The following CSMD1 variants were observed in gnomAD, a reference collection of about 807,000 sequenced individuals.
The protein encoded by CSMD1 is CUB and sushi domain-containing protein 1.
Under a neutral mutation model 417.5 loss-of-function variants are expected in CSMD1, and 213 were observed. That is an observed-to-expected ratio of 0.51 (90% confidence interval 0.46 to 0.57). The LOEUF (loss-of-function observed/expected upper bound fraction) is 0.57, where lower values mean the gene tolerates loss of function less well. Ranked by LOEUF, CSMD1 falls within the 20% of genes least tolerant of loss-of-function variation. The pLI is 0.00. For synonymous variants in CSMD1, 2,862 were observed against 1,736.8 expected (o/e 1.65, Z -16.11); for missense variants, 6,923 against 4,529.7 (o/e 1.53, Z -15.17).
At chr8:4,145,604 G>C (rs891112774) in intron 3 of CSMD1, among the ~76,000 whole-genome samples, 3 of 150,916 alleles carry the variant, frequency 2.0e-5, no homozygotes, top group East Asian at 1.9e-4. Flanking sequence ...GCATGGGCTA[G>C]TGTCAAAGTC....
At chr8:4,287,557 G>T (rs1022326389) in intron 3 of CSMD1, among the ~76,000 whole-genome samples, 1 of 151,972 alleles carries the variant, frequency 6.6e-6, no homozygotes. Flanking sequence ...TAACAAAGAC[G>T]GGGGACTAAT....
At chr8:3,612,386 C>A (rs899200538) in intron 8 of CSMD1, among the ~76,000 whole-genome samples, 1 of 152,090 alleles carries the variant, frequency 6.6e-6, no homozygotes, top group Non-Finnish European at 1.5e-5. Flanking sequence ...CTCTCAATCA[C>A]AGATCTGACA....
chr8:3,463,326 G>C (rs1350454960), intron 12 of CSMD1, among the ~76,000 whole-genome samples: 1 of 152,124 alleles, frequency 6.6e-6, no homozygotes. Flanking sequence ...ATTTGTCATA[G>C]ACTTAAGTCA....
In CSMD1 at chr8:3,173,060, A is replaced by C. The variant is rs539809758; in HGVS notation, c.5725+8050T>G. Among the ~76,000 whole-genome samples, 11 of 152,314 alleles carry C rather than the reference A, an allele frequency of 7.2e-5. No individual in the cohort carries two copies. The South Asian group carries it at 2.3e-3, about 32-fold the overall frequency. ...CAAATACATTAGAACTTGAAACTCC[A>C]AAGACTTGTGGAGGACAACTTGATT... is the stretch of plus-strand genomic sequence containing the variant. On this transcript the variant is annotated intron_variant, in intron 37 of 69. Transcript: ENST00000635120.
intron 6 of CSMD1, among the ~76,000 whole-genome samples, chr8:3,744,051 C>A (rs556346267): frequency 3.7e-4 from 57 of 152,310 alleles, no homozygotes; most frequent in African/African-American, 1.3e-3. Context: ...GGAGCCCTCA[C>A]AATCCTCTTC....
intron 3 of CSMD1, among the ~76,000 whole-genome samples, chr8:4,219,351 G>A (rs1800880431): frequency 2.0e-5 from 3 of 151,968 alleles, no homozygotes; most frequent in Admixed American, 2.0e-4. Context: ...AGCTGGAATT[G>A]GGCACATCCC....
intron 6 of CSMD1, among the ~76,000 whole-genome samples, chr8:3,715,844 G>C (rs940573971): frequency 6.6e-6 from 1 of 152,068 alleles, no homozygotes; most frequent in Non-Finnish European, 1.5e-5. Flanking sequence ...CGCCCGGCCT[G>C]CAAACAGCTT....
intron 5 of CSMD1, among the ~76,000 whole-genome samples, chr8:3,796,413 A>G (rs1418000154): frequency 1.8e-5 from 1 of 54,376 alleles, no homozygotes; most frequent in Non-Finnish European, 4.6e-5. Flanking sequence ...ATAGATATAT[A>G]TCTATCATGT....
At chr8:4,140,587 G>C (rs1205483424) in intron 3 of CSMD1, among the ~76,000 whole-genome samples, 2 of 151,038 alleles carry the variant, frequency 1.3e-5, no homozygotes, top group Admixed American at 6.6e-5. Context: ...AAGACTGCTT[G>C]AACCCAAGAG....
intron 4 of CSMD1, among the ~76,000 whole-genome samples, chr8:4,031,435 C>G (rs955561951): frequency 6.6e-6 from 1 of 152,150 alleles, no homozygotes; most frequent in African/African-American, 2.4e-5. Context: ...CATCAGATCT[C>G]ATAAGACTTA....
intron 26 of CSMD1, among the ~76,000 whole-genome samples, chr8:3,248,996 G>A (rs1037860628): frequency 1.3e-5 from 2 of 152,032 alleles, no homozygotes; most frequent in African/African-American, 2.4e-5. Flanking sequence ...AGGTGCACTT[G>A]CTGAGCTCAG....
At chr8:4,327,602 G>C (rs560334446) in intron 3 of CSMD1, among the ~76,000 whole-genome samples, 4 of 152,048 alleles carry the variant, frequency 2.6e-5, no homozygotes, top group African/African-American at 7.2e-5. Flanking sequence ...ATGTTACCAA[G>C]TCAGAAAGGG....
At chr8:4,340,366 A>G (rs1452422077) in intron 3 of CSMD1, among the ~76,000 whole-genome samples, 2 of 152,040 alleles carry the variant, frequency 1.3e-5, no homozygotes, top group Admixed American at 1.3e-4. Context: ...ACCCTAGTTA[A>G]AAATGTAGAA....
intron 1 of CSMD1, among the ~76,000 whole-genome samples, chr8:4,855,646 C>G: frequency 6.6e-6 from 1 of 152,068 alleles, no homozygotes; most frequent in Non-Finnish European, 1.5e-5. Flanking sequence ...ATGCAATCAA[C>G]TGGAAGATAG....
intron 2 of CSMD1, among the ~76,000 whole-genome samples, chr8:4,433,444 C>CA (rs1461407860): frequency 2.8e-4 from 42 of 152,100 alleles, no homozygotes; most frequent in Non-Finnish European, 4.7e-4. Context: ...ACATTAAAGG[C>CA]AATTCCCTGC....
At chr8:4,882,533 T>A (rs915895362) in intron 1 of CSMD1, among the ~76,000 whole-genome samples, 1 of 151,760 alleles carries the variant, frequency 6.6e-6, no homozygotes, top group Non-Finnish European at 1.5e-5. Context: ...GGTAATGGTT[T>A]CTGTCCGTGG....
intron 3 of CSMD1, among the ~76,000 whole-genome samples, chr8:4,247,321 C>G (rs1563332020): frequency 2.0e-5 from 3 of 152,080 alleles, no homozygotes; most frequent in Non-Finnish European, 2.9e-5. Flanking sequence ...ACCACACTGC[C>G]CTGTCATACC....
chr8:3,370,232 T>G (rs957815609), intron 18 of CSMD1, among the ~76,000 whole-genome samples: 12 of 152,328 alleles, frequency 7.9e-5, no homozygotes, highest in African/African-American at 2.9e-4. Context: ...TCTTCTTTTA[T>G]TTCATATCTT....
intron 10 of CSMD1, among the ~76,000 whole-genome samples, chr8:3,543,876 A>G (rs1312196895): frequency 1.3e-5 from 2 of 152,178 alleles, no homozygotes; most frequent in African/African-American, 4.8e-5. Context: ...CAGAGTCAGG[A>G]CAGATGAAGA....
Sources: allele counts gnomAD v4.1 joint callset (sites outside exome capture counted in the v4.1 genomes callset), GRCh38; gene constraint gnomAD v4.1.1; transcripts MANE v1.5; gene names NCBI Gene and HGNC (gene_info 2026-07-23, HGNC 2026-07-21).